The following P3H2 variants were observed in gnomAD, a reference collection of about 807,000 sequenced individuals.
The protein encoded by P3H2 is leprecan-like 1.
P3H2 carries 80 observed loss-of-function variants against 87.0 expected under a neutral mutation model. That is an observed-to-expected ratio of 0.92 (90% confidence interval 0.77 to 1.11). The LOEUF is 1.11. Ranked by LOEUF, P3H2 falls within the 50% of genes least tolerant of loss-of-function variation. The pLI is 0.00. For missense variants in P3H2, 1,001 were observed against 923.9 expected (o/e 1.08, Z -1.08); for synonymous variants, 367 against 359.3 (o/e 1.02, Z -0.24).
intron 1 of P3H2, among the ~76,000 whole-genome samples, chr3:190,052,426 T>C (rs1356828769): frequency 6.6e-6 from 1 of 152,190 alleles, no homozygotes; most frequent in African/African-American, 2.4e-5. Context: ...TAGACACTTC[T>C]TTTAAAGCAT....
At chr3:190,003,164 G>C (rs753799239) in intron 1 of P3H2, among the ~76,000 whole-genome samples, 1 of 152,130 alleles carries the variant, frequency 6.6e-6, no homozygotes, top group Non-Finnish European at 1.5e-5. Flanking sequence ...TTCTTAAAGT[G>C]CTTTCTTTTG....
intron 8 of P3H2, among the ~76,000 whole-genome samples, chr3:189,976,224 A>C (rs544152698): frequency 2.6e-5 from 4 of 152,292 alleles, no homozygotes; most frequent in Non-Finnish European, 2.9e-5. Flanking sequence ...ACACAATCTT[A>C]ATGTACCACG....
chr3:190,088,430 G>A (rs1727296452), intron 1 of P3H2, among the ~76,000 whole-genome samples: 1 of 152,076 alleles, frequency 6.6e-6, no homozygotes, highest in Non-Finnish European at 1.5e-5. Context: ...TGCAAACAAG[G>A]TAAGCCTGTG....
chr3:190,063,924 C>G (rs1017980225), intron 1 of P3H2, among the ~76,000 whole-genome samples: 1 of 151,208 alleles, frequency 6.6e-6, no homozygotes, highest in Admixed American at 6.6e-5. Flanking sequence ...AATGTTTATA[C>G]TTAACTATAT....
chr3:190,068,287 T>C (rs897491745), intron 1 of P3H2, among the ~76,000 whole-genome samples: 2 of 152,048 alleles, frequency 1.3e-5, no homozygotes, highest in Non-Finnish European at 2.9e-5. Flanking sequence ...TGAAAAACAA[T>C]AGCTAAGTAA....
In P3H2 at chr3:189,957,549, G is replaced by T; in HGVS notation, c.*363C>A. On this transcript the variant is annotated 3_prime_UTR_variant, in exon 15 of 15. Coordinates refer to ENST00000319332, the MANE Select transcript of P3H2 (RefSeq NM_018192.4). ...ATGAAAAACCAAGAAAGAGAGCTGG[G>T]TGTGGTGGCACGTGCCTGTGGTCCC... 2.5e-6 allele frequency: 1 copy of T among 399,324 alleles called. No homozygotes were observed. The highest frequency in any genetic ancestry group is 4.5e-6 in the Non-Finnish European group (1 of 223,710). 24.7% of individuals were successfully genotyped at this position (399,324 alleles called of 1,614,324 possible).
intron 1 of P3H2, among the ~76,000 whole-genome samples, chr3:190,010,921 C>G (rs1206121225): frequency 6.6e-6 from 1 of 152,210 alleles, no homozygotes; most frequent in African/African-American, 2.4e-5. Flanking sequence ...AGTATTCTAA[C>G]TTTTAATCCA....
chr3:190,094,389 T>C (rs1443424062), intron 1 of P3H2, among the ~76,000 whole-genome samples: 1 of 152,240 alleles, frequency 6.6e-6, no homozygotes, highest in Non-Finnish European at 1.5e-5. Context: ...CTCTTACATA[T>C]CTGATGTCCT....
chr3:189,969,797 T>A (rs920912742), intron 13 of P3H2: 1 of 1,608,578 alleles, frequency 6.2e-7, no homozygotes, highest in Admixed American at 1.7e-5. Context: ...AATTTCTGGA[T>A]CATCCAGGCC....
At chr3:190,081,983 A>C (rs1378506349) in intron 1 of P3H2, among the ~76,000 whole-genome samples, 1 of 152,146 alleles carries the variant, frequency 6.6e-6, no homozygotes, top group African/African-American at 2.4e-5. Context: ...GCCGGGCACA[A>C]TGGGTCACGC....
intron 9 of P3H2, 33 bp from the exon 10 acceptor site, chr3:189,974,037 T>C: frequency 6.5e-7 from 1 of 1,533,516 alleles, no homozygotes; most frequent in Non-Finnish European, 9.0e-7. Context: ...ACGTCATCAA[T>C]GATAACTATG....
intron 1 of P3H2, among the ~76,000 whole-genome samples, chr3:190,056,054 G>A (rs115731913): frequency 0.018 from 2,711 of 152,202 alleles, 87 homozygotes; most frequent in African/African-American, 0.063. Context: ...GCTATGACAT[G>A]ATAAGATTAG....
intron 1 of P3H2, among the ~76,000 whole-genome samples, chr3:190,027,096 C>A (rs1577281479): frequency 6.6e-6 from 1 of 152,306 alleles, no homozygotes. Flanking sequence ...TTCTCACTTA[C>A]ATATGACAAA....
chr3:190,018,253 G>A (rs1401638719), intron 1 of P3H2, among the ~76,000 whole-genome samples: 1 of 152,106 alleles, frequency 6.6e-6, no homozygotes, highest in Non-Finnish European at 1.5e-5. Flanking sequence ...CTTGCATCTA[G>A]ATGCACATTT....
chr3:190,100,923 T>C (rs1711602781), intron 1 of P3H2, among the ~76,000 whole-genome samples: 1 of 152,170 alleles, frequency 6.6e-6, no homozygotes, highest in Admixed American at 6.5e-5. Context: ...TCCAACAGCA[T>C]GTGCTCACCC....
At chr3:190,004,489 T>C in intron 1 of P3H2, among the ~76,000 whole-genome samples, 1 of 151,986 alleles carries the variant, frequency 6.6e-6, no homozygotes, top group Non-Finnish European at 1.5e-5. Context: ...TTCACGCCAT[T>C]CTCCTGCCTC....
intron 13 of P3H2, among the ~76,000 whole-genome samples, chr3:189,965,044 T>C (rs1722932965): frequency 1.3e-5 from 2 of 152,196 alleles, no homozygotes; most frequent in South Asian, 4.1e-4. Context: ...TCTGTATAGT[T>C]CAGAAAAGTA....
At chr3:190,097,536 C>T (rs1028225300) in intron 1 of P3H2, among the ~76,000 whole-genome samples, 2 of 152,162 alleles carry the variant, frequency 1.3e-5, no homozygotes, top group Non-Finnish European at 2.9e-5. Context: ...CAATTCAGAC[C>T]TCCCTCACAG....
chr3:190,001,534 A>T (rs1035745871), intron 1 of P3H2, among the ~76,000 whole-genome samples: 1 of 152,194 alleles, frequency 6.6e-6, no homozygotes, highest in Non-Finnish European at 1.5e-5. Flanking sequence ...TAAATTTCAC[A>T]ATATAGTAAC....
Sources: gnomAD v4.1 joint callset for allele counts (sites outside exome capture counted in the v4.1 genomes callset) on GRCh38, gnomAD v4.1.1 for gene constraint, MANE v1.5 for transcripts, NCBI Gene and HGNC (gene_info 2026-07-23, HGNC 2026-07-21) for gene names.